Variants in FBXW11 observed in about 807,000 individuals in gnomAD.
The protein encoded by FBXW11 is F-box/WD repeat-containing protein 11.
In FBXW11, 19 loss-of-function variants were observed where a neutral mutation model predicts 77.6. The observed-to-expected ratio is 0.24, with a 90% CI of 0.17 to 0.36. FBXW11 has a LOEUF of 0.36. Among genes scored for constraint, FBXW11 ranks in the 10% least tolerant of loss-of-function variants. The probability of loss-of-function intolerance (pLI) is 1.00; values close to 1 mark genes in which losing one functional copy is unlikely to be tolerated. For synonymous variants in FBXW11, 235 were observed against 249.4 expected (o/e 0.94, Z 0.54); for missense variants, 334 against 704.2 (o/e 0.47, Z 5.95).
intron 1 of FBXW11, among the ~76,000 whole-genome samples, chr5:171,961,528 G>A (rs1021546607): frequency 6.6e-6 from 1 of 152,094 alleles, no homozygotes; most frequent in African/African-American, 2.4e-5. Flanking sequence ...TTCCTCTTAG[G>A]TCTTAGATCT....
At chr5:171,933,807 G>C (rs529664932) in intron 2 of FBXW11, among the ~76,000 whole-genome samples, 1 of 152,066 alleles carries the variant, frequency 6.6e-6, no homozygotes, top group South Asian at 2.1e-4. Context: ...AAACTGCCAG[G>C]TCTGTCTCAA....
chr5:171,899,840 T>G, intron 5 of FBXW11, 74 bp downstream of exon 5: 1 of 1,332,192 alleles, frequency 7.5e-7, no homozygotes, highest in Non-Finnish European at 1.0e-6. Flanking sequence ...CAAGTATAAT[T>G]GCATTTTTGA....
rs1554094772 is a variant in FBXW11 at position 171,878,594 on chromosome 5, G to GAC, written c.853-466_853-465insGT. 6.1e-3 allele frequency among the ~76,000 whole-genome samples: 610 copies of GAC among 100,586 alleles called. 5 individuals carry two copies. The highest frequency in any genetic ancestry group is 0.027 in the East Asian group (97 of 3,608). The allele number at this position is 100,586 out of a possible 152,430, so 66.0% of individuals were successfully genotyped here. On this transcript the variant is annotated intron_variant, in intron 7 of 13. Transcript: ENST00000517395. The stretch of plus-strand genomic sequence containing the variant: ...TGTGTGTGTGTGTGTGTGTGTGTAA[G>GAC]AGAGAGAGAGTGTGTGTGTGTGTGT...
intron 1 of FBXW11, among the ~76,000 whole-genome samples, chr5:171,991,174 A>C (rs890591855): frequency 6.6e-6 from 1 of 152,110 alleles, no homozygotes; most frequent in African/African-American, 2.4e-5. Flanking sequence ...TCATTCAAAA[A>C]ATTTGTCGAG....
chr5:171,968,253 G>C (rs1337182951), intron 1 of FBXW11, among the ~76,000 whole-genome samples: 1 of 151,820 alleles, frequency 6.6e-6, no homozygotes, highest in African/African-American at 2.4e-5. Context: ...TCAGGAGATC[G>C]AGACCATCCC....
At chr5:171,976,911 T>C (rs1190366106) in intron 1 of FBXW11, among the ~76,000 whole-genome samples, 1 of 151,694 alleles carries the variant, frequency 6.6e-6, no homozygotes, top group Middle Eastern at 3.2e-3. Flanking sequence ...CCAGGTGTGG[T>C]GGTGCATGTC....
intron 1 of FBXW11, among the ~76,000 whole-genome samples, chr5:171,998,187 CA>C (rs1227764038): frequency 4.6e-5 from 7 of 151,920 alleles, no homozygotes; most frequent in African/African-American, 1.7e-4. Flanking sequence ...AAATGGAGAA[CA>C]ATGAAAATAC....
chr5:171,862,205 T>C lies in FBXW11; in HGVS notation c.*1922A>G, dbSNP rs1200386731. On this transcript the variant is annotated 3_prime_UTR_variant, in exon 14 of 14. Coordinates refer to ENST00000517395, the MANE Select transcript of FBXW11 (RefSeq NM_001378974.1). ...TGAAAAGTGGTCAAAGCTAAATCAC[T>C]TTCACAACCACCATCAAGCTTACAA... 2.0e-5 allele frequency: 3 copies of C among 152,510 alleles called. No homozygotes were observed. The highest frequency in any genetic ancestry group is 4.8e-5 in the African/African-American group (2 of 41,430). The allele number at this position is 152,510 out of a possible 1,614,324, so 9.4% of individuals were successfully genotyped here. A position where few individuals can be genotyped will look rare whatever the true frequency, so the allele number is the denominator to read the frequency against.
At chr5:171,928,932 G>A (rs1170080503) in intron 2 of FBXW11, among the ~76,000 whole-genome samples, 1 of 151,812 alleles carries the variant, frequency 6.6e-6, no homozygotes, top group East Asian at 1.9e-4. Context: ...AATTAGCTGG[G>A]CATAGTGGCA....
chr5:171,994,543 T>A (rs1328989386), intron 1 of FBXW11, among the ~76,000 whole-genome samples: 1 of 152,184 alleles, frequency 6.6e-6, no homozygotes, highest in South Asian at 2.1e-4. Flanking sequence ...CTGAAAAAAA[T>A]TCAAAATTCT....
chr5:171,976,915 G>A (rs1488710639), intron 1 of FBXW11, among the ~76,000 whole-genome samples: 1 of 151,924 alleles, frequency 6.6e-6, no homozygotes, highest in Non-Finnish European at 1.5e-5. Flanking sequence ...GTGTGGTGGT[G>A]CATGTCTGTA....
At chr5:171,938,725 G>T (rs1762600788) in intron 2 of FBXW11, among the ~76,000 whole-genome samples, 1 of 152,106 alleles carries the variant, frequency 6.6e-6, no homozygotes, top group South Asian at 2.1e-4. Context: ...GTCATTGTTT[G>T]TAATTTCAAA....
intron 4 of FBXW11, among the ~76,000 whole-genome samples, chr5:171,905,904 C>T (rs1432897922): frequency 6.6e-6 from 1 of 152,118 alleles, no homozygotes; most frequent in African/African-American, 2.4e-5. Flanking sequence ...CCTAAGGCAA[C>T]AAGAGGACAC....
intron 2 of FBXW11, among the ~76,000 whole-genome samples, chr5:171,937,146 G>A (rs553037076): frequency 9.9e-5 from 15 of 152,282 alleles, no homozygotes; most frequent in South Asian, 2.1e-4. Flanking sequence ...TAATTTATAA[G>A]TTTAACATTT....
chr5:171,866,814 T>C lies in FBXW11; in HGVS notation c.*25+1796A>G, dbSNP rs549264536. On this transcript the variant is annotated intron_variant, in intron 13 of 13. Transcript: ENST00000517395. ...AGATCCTTGTCTCCTTCCTCTGTAATTCCTATTTTAAAGCTCCATTCAATA... is the reference window on the plus strand; with the variant it reads ...AGATCCTTGTCTCCTTCCTCTGTAACTCCTATTTTAAAGCTCCATTCAATA... Among the ~76,000 whole-genome samples the C allele has an allele frequency of 6.6e-5, 10 of 152,320 alleles. No individual in the cohort carries two copies. The East Asian group carries it at 1.9e-3, about 29-fold the overall frequency.
intron 7 of FBXW11, among the ~76,000 whole-genome samples, chr5:171,884,766 T>C (rs1758762245): frequency 2.0e-5 from 3 of 152,232 alleles, no homozygotes; most frequent in Admixed American, 1.3e-4. Context: ...AGCAGTGTTT[T>C]GTAGTTTTCC....
At chr5:171,974,824 C>T (rs1403279082) in intron 1 of FBXW11, among the ~76,000 whole-genome samples, 1 of 152,116 alleles carries the variant, frequency 6.6e-6, no homozygotes, top group Non-Finnish European at 1.5e-5. Flanking sequence ...TTGAGAATTT[C>T]GATCTTGTTG....
chr5:171,987,853 T>C (rs1413090070), intron 1 of FBXW11, among the ~76,000 whole-genome samples: 1 of 152,214 alleles, frequency 6.6e-6, no homozygotes, highest in Non-Finnish European at 1.5e-5. Flanking sequence ...GTTTTCACAC[T>C]ATGGTATACT....
At chr5:172,000,326 A>C (rs941760677) in intron 1 of FBXW11, among the ~76,000 whole-genome samples, 2 of 152,166 alleles carry the variant, frequency 1.3e-5, no homozygotes, top group Non-Finnish European at 2.9e-5. Context: ...TGTCAATATA[A>C]ACTAATCACC....
Sources: allele counts gnomAD v4.1 joint callset (sites outside exome capture counted in the v4.1 genomes callset), GRCh38; gene constraint gnomAD v4.1.1; transcripts MANE v1.5; gene names NCBI Gene and HGNC (gene_info 2026-07-23, HGNC 2026-07-21).